SLC26A3: variants seen among roughly 807,000 people sequenced by gnomAD.
The protein encoded by SLC26A3 is solute carrier family 26 member 3, also known as chloride anion exchanger.
A neutral mutation model predicts 85.6 loss-of-function variants in SLC26A3; 64 were observed. The observed-to-expected ratio is 0.75, with a 90% CI of 0.61 to 0.92. The LOEUF is 0.92. SLC26A3 is among the 40% of genes least tolerant of loss of function. SLC26A3 has a pLI of 0.00. For synonymous variants in SLC26A3, 349 were observed against 336.0 expected (o/e 1.04, Z -0.42); for missense variants, 922 against 927.3 (o/e 0.99, Z 0.07).
intron 3 of SLC26A3, 81 bp from the exon 4 acceptor site, chr7:107,792,021 G>A (rs1255194423): frequency 1.2e-6 from 1 of 837,470 alleles, no homozygotes; most frequent in Non-Finnish European, 2.1e-6. Flanking sequence ...ATGGTATTTA[G>A]AATTGGATCC....
At chr7:107,769,658 C>G (rs898635387) in intron 18 of SLC26A3, among the ~76,000 whole-genome samples, 9 of 152,094 alleles carry the variant, frequency 5.9e-5, no homozygotes, top group African/African-American at 2.2e-4. Context: ...ACAAAATAAT[C>G]TATACAATAA....
chr7:107,783,521 T>C (rs956734154), intron 8 of SLC26A3, among the ~76,000 whole-genome samples, 169 bp from the exon 9 acceptor site: 1 of 152,256 alleles, frequency 6.6e-6, no homozygotes, highest in African/African-American at 2.4e-5. Context: ...GCTTTCTTAA[T>C]GCTGAAAAGC....
intron 12 of SLC26A3, among the ~76,000 whole-genome samples, chr7:107,779,030 T>G (rs186142960): frequency 6.9e-4 from 105 of 152,282 alleles, no homozygotes; most frequent in Admixed American, 1.7e-3. Flanking sequence ...GAGCTTATAC[T>G]AATGTTTTAC....
chr7:107,776,640 A>T lies in SLC26A3; in HGVS notation c.1581T>A (p.Tyr527Ter). Residue 527 changes from tyrosine (Y) to a stop codon, truncating the protein, a stop_gained, in exon 14 of 21, where the codon TAT becomes TAA. Coordinates refer to ENST00000340010, the MANE Select transcript of SLC26A3 (RefSeq NM_000111.3). LOFTEE classifies it high-confidence loss of function. ...TNIYKNKKDYYDMYEPEGVKI... is the reference protein window; with the variant it reads ...TNIYKNKKDY ...GAAAAACATGAATCTCCCTTACATC[A>T]TAATAATCTTTTTTATTCTTATAGA... 2 of 1,613,382 alleles carry T rather than the reference A, an allele frequency of 1.2e-6. No homozygotes were observed. Among genetic ancestry groups the T allele is most frequent in the Non-Finnish European group, 1.7e-6 (2 of 1,179,392 alleles).
At chr7:107,793,997 C>T (rs1393643767) in intron 2 of SLC26A3, 116 bp from the exon 3 acceptor site, 2 of 1,317,288 alleles carry the variant, frequency 1.5e-6, no homozygotes, top group African/African-American at 2.9e-5. Flanking sequence ...AGTAATTTCA[C>T]TCCCAGTAAC....
At chr7:107,787,251 G>A (rs1794312907) in intron 7 of SLC26A3, 106 bp downstream of exon 7, 1 of 1,116,288 alleles carries the variant, frequency 9.0e-7, no homozygotes, top group Non-Finnish European at 1.4e-6. Flanking sequence ...GAAAACTGCA[G>A]AGATGGCCTC....
In SLC26A3 at chr7:107,783,028, A is replaced by G. The variant is rs535930393; in HGVS notation, c.1185T>C (p.Thr395=). ...CCTGAACTGCTGATCTGGAGAGGGC[A>G]GTACTCCCAGCAAATCCTCTGAATA... is the stretch of plus-strand genomic sequence containing the variant. ...CGVFRGFAGS[T]ALSRSAVQES... is the part of the protein sequence containing the mutation. The change falls in exon 10 of 21, where the codon ACT becomes ACC. Residue 395 remains threonine, a synonymous_variant. Coordinates refer to ENST00000340010, the MANE Select transcript of SLC26A3 (RefSeq NM_000111.3). The G allele has an allele frequency of 1.5e-4, 243 of 1,614,210 alleles. 2 individuals carry two copies. In the South Asian group the frequency reaches 2.5e-3, roughly 17 times the overall value.
intron 20 of SLC26A3, among the ~76,000 whole-genome samples, chr7:107,766,187 C>G (rs1371312993): frequency 6.6e-6 from 1 of 152,136 alleles, no homozygotes; most frequent in Admixed American, 6.6e-5. Context: ...CCACTGGTGG[C>G]CTATCCACAG....
chr7:107,801,212 C>A (rs1007049209), intron 1 of SLC26A3, among the ~76,000 whole-genome samples: 2 of 152,162 alleles, frequency 1.3e-5, no homozygotes, highest in Non-Finnish European at 2.9e-5. Context: ...CTTCCCAGAG[C>A]CAGGATGAGA....
At chr7:107,799,493 T>C (rs1353317407) in intron 1 of SLC26A3, among the ~76,000 whole-genome samples, 4 of 152,178 alleles carry the variant, frequency 2.6e-5, no homozygotes, top group Admixed American at 6.5e-5. Flanking sequence ...TGGGTTCAAG[T>C]GATTCTCTTG....
chr7:107,789,202 C>T (rs973002385), intron 6 of SLC26A3, among the ~76,000 whole-genome samples: 6 of 150,624 alleles, frequency 4.0e-5, no homozygotes, highest in South Asian at 4.2e-4. Context: ...CTGCAAGATC[C>T]GCCTCCTGGG....
At chr7:107,789,410 A>C in intron 6 of SLC26A3, 114 bp downstream of exon 6, 1 of 1,095,408 alleles carries the variant, frequency 9.1e-7, no homozygotes, top group Non-Finnish European at 1.3e-6. Context: ...AATATGAAAA[A>C]ATTTTACAAA....
At chr7:107,769,996 T>TTCTC (rs1793978119) in intron 18 of SLC26A3, among the ~76,000 whole-genome samples, 11 of 135,152 alleles carry the variant, frequency 8.1e-5, no homozygotes, top group Non-Finnish European at 1.6e-4. Context: ...TTCCTTCCTT[T>TTCTC]TTTCTCTTTC....
At chr7:107,788,871 ACT>A (rs1453372585) in intron 6 of SLC26A3, among the ~76,000 whole-genome samples, 1 of 141,502 alleles carries the variant, frequency 7.1e-6, no homozygotes, top group African/African-American at 2.6e-5. Context: ...GCTGCCTCTA[ACT>A]CTCTGGCTCA....
chr7:107,791,735 G>T (rs1364478207), intron 4 of SLC26A3, 95 bp downstream of exon 4: 10 of 842,534 alleles, frequency 1.2e-5, no homozygotes, highest in Non-Finnish European at 1.8e-5. Context: ...TCTTCTCCTG[G>T]ATTATGTGAA....
rs1364958781 is a variant in SLC26A3, at chr7:107,791,062, A to T, written c.556T>A (p.Ser186Thr). Residue 186 changes from serine to threonine, a missense_variant, in exon 5 of 21, where the codon TCT becomes ACT. Coordinates refer to ENST00000340010, the MANE Select transcript of SLC26A3 (RefSeq NM_000111.3). Reference sequence around the variant, plus strand: ...AAGGTGCTCACCTGGATGATTCCAGAAAGCACTGTGACTGATGCCGCCGCC... The same window carrying T: ...AAGGTGCTCACCTGGATGATTCCAGTAAGCACTGTGACTGATGCCGCCGCC... ...VAAAASVTVL[S>T]GIIQLAFGIL... The T allele has an allele frequency of 4.3e-6, 7 of 1,613,804 alleles. No homozygotes were observed. The African/African-American group carries it at 9.3e-5, about 22-fold the overall frequency.
chr7:107,767,934 T>C (rs761318067), intron 18 of SLC26A3, 26 bp from the exon 19 acceptor site: 1 of 1,610,820 alleles, frequency 6.2e-7, no homozygotes, highest in African/African-American at 1.3e-5. Context: ...CAGTAACTTT[T>C]AGGAAGAAAC....
chr7:107,802,435 T>A (rs1412709225), intron 1 of SLC26A3, among the ~76,000 whole-genome samples: 1 of 152,160 alleles, frequency 6.6e-6, no homozygotes. Flanking sequence ...TCCTTCTTAC[T>A]CTCATTGCCT....
rs370662677 is a variant in SLC26A3 at position 107,789,598 on chromosome 7, C to T, written c.661G>A (p.Val221Ile). The T allele has an allele frequency of 1.2e-6, 2 of 1,613,904 alleles. No individual in the cohort carries two copies. The highest frequency in any genetic ancestry group is 1.3e-5 in the African/African-American group (1 of 74,890). Residue 221 changes from valine (V) to isoleucine (I), a missense_variant, in exon 6 of 21, where the codon GTT becomes ATT. Coordinates refer to ENST00000340010, the MANE Select transcript of SLC26A3 (RefSeq NM_000111.3). The part of the protein sequence containing the change: ...SGFTTAAAVH[V>I]LVSQLKFIFQ... ...ATGAATTTGAGTTGGGAAACCAAAA[C>T]ATGAACAGCAGCAGCAGTAGTGAAG...
Sources: allele counts gnomAD v4.1 joint callset (sites outside exome capture counted in the v4.1 genomes callset), GRCh38; gene constraint gnomAD v4.1.1; transcripts MANE v1.5; gene names NCBI Gene and HGNC (gene_info 2026-07-23, HGNC 2026-07-21).